The following MYO1D variants were observed in gnomAD, a reference collection of about 807,000 sequenced individuals.
MYO1D encodes unconventional myosin-Id.
MYO1D carries 83 observed loss-of-function variants against 122.0 expected under a neutral mutation model. That is an observed-to-expected ratio of 0.68 (90% confidence interval 0.57 to 0.82). The LOEUF is 0.82. Among genes scored for constraint, MYO1D ranks in the 40% least tolerant of loss-of-function variants. The pLI, the probability that MYO1D is intolerant of heterozygous loss-of-function variation, is 0.00. For missense variants in MYO1D, 1,157 were observed against 1,269.5 expected, an observed-to-expected ratio of 0.91 and a Z score of 1.35; for synonymous variants, 464 against 446.9, an observed-to-expected ratio of 1.04 and a Z score of -0.48.
In MYO1D at chr17:32,780,723, T is replaced by A; in HGVS notation, c.157A>T (p.Lys53Ter). ...GEVVVSVNPY[K>*]LLNIYGRDTI... Reference sequence around the variant, plus strand: ...TCTCTTCCATAGATGTTCAACAACTTGTAAGGGTTCACAGAAACGACGACT... The same window carrying A: ...TCTCTTCCATAGATGTTCAACAACTAGTAAGGGTTCACAGAAACGACGACT... Residue 53 changes from lysine to a stop codon, truncating the protein, a stop_gained, in exon 2 of 22, where the codon AAG becomes TAG. Transcript: ENST00000318217. LOFTEE classifies it high-confidence loss of function. 6.2e-7 allele frequency: 1 copy of A among 1,614,150 alleles called. No individual in the cohort carries two copies. Among genetic ancestry groups the A allele is most frequent in the Non-Finnish European group, 8.5e-7 (1 of 1,180,016 alleles).
At chr17:32,629,538 G>A (rs920643235) in intron 20 of MYO1D, among the ~76,000 whole-genome samples, 6 of 152,108 alleles carry the variant, frequency 3.9e-5, no homozygotes, top group African/African-American at 1.4e-4. Flanking sequence ...TTTAAGACCA[G>A]CCTGGCCAAG....
chr17:32,710,589 T>C (rs1188326689), intron 16 of MYO1D, among the ~76,000 whole-genome samples: 1 of 152,150 alleles, frequency 6.6e-6, no homozygotes, highest in Admixed American at 6.5e-5. Context: ...ATTGAAGACT[T>C]TGATTATGTC....
intron 20 of MYO1D, among the ~76,000 whole-genome samples, chr17:32,618,954 T>A (rs1372604472): frequency 6.6e-6 from 1 of 152,138 alleles, no homozygotes; most frequent in East Asian, 1.9e-4. Context: ...TTAATTTAAA[T>A]GCTTGGTGAA....
chr17:32,774,130 C>G (rs1279948386), intron 4 of MYO1D, among the ~76,000 whole-genome samples: 1 of 152,188 alleles, frequency 6.6e-6, no homozygotes, highest in African/African-American at 2.4e-5. Flanking sequence ...CGTTCCATGA[C>G]TAGCCTTCCC....
At chr17:32,809,917 G>C (rs1279831718) in intron 1 of MYO1D, among the ~76,000 whole-genome samples, 1 of 152,184 alleles carries the variant, frequency 6.6e-6, no homozygotes, top group Non-Finnish European at 1.5e-5. Flanking sequence ...AATGATCAAT[G>C]ATCTGCTTCT....
At chr17:32,769,820 A>G (rs1426276180) in intron 6 of MYO1D, among the ~76,000 whole-genome samples, 1 of 151,950 alleles carries the variant, frequency 6.6e-6, no homozygotes, top group African/African-American at 2.4e-5. Flanking sequence ...GAAAGCAGAC[A>G]TGGAAATTTT....
chr17:32,818,022 A>C (rs113340549), intron 1 of MYO1D, among the ~76,000 whole-genome samples: 5,250 of 145,460 alleles, frequency 0.036, 307 homozygotes, highest in African/African-American at 0.12. Context: ...GCTACTTGGG[A>C]GGCTGAGGCA....
At chr17:32,758,802 A>C (rs1196326156) in intron 10 of MYO1D, among the ~76,000 whole-genome samples, 1 of 152,198 alleles carries the variant, frequency 6.6e-6, no homozygotes, top group East Asian at 1.9e-4. Flanking sequence ...GCCATGTAGT[A>C]AGTAACTGTT....
chr17:32,747,100 T>C (rs2089845750), intron 12 of MYO1D, among the ~76,000 whole-genome samples: 1 of 152,032 alleles, frequency 6.6e-6, no homozygotes, highest in South Asian at 2.1e-4. Context: ...AATGGTGCCA[T>C]TCCATCACTA....
At chr17:32,552,131 A>G (rs564661481) in intron 21 of MYO1D, among the ~76,000 whole-genome samples, 2 of 152,316 alleles carry the variant, frequency 1.3e-5, no homozygotes, top group Non-Finnish European at 2.9e-5. Flanking sequence ...GCAGAGGGGC[A>G]TTGGCGTAAT....
chr17:32,665,110 T>C (rs572975758), intron 16 of MYO1D, among the ~76,000 whole-genome samples: 3 of 152,208 alleles, frequency 2.0e-5, no homozygotes, highest in Admixed American at 2.0e-4. Context: ...GATGGCTGAC[T>C]TCCTCATTCT....
At chr17:32,678,787 C>T (rs905726334) in intron 16 of MYO1D, among the ~76,000 whole-genome samples, 1 of 150,204 alleles carries the variant, frequency 6.7e-6, no homozygotes, top group African/African-American at 2.5e-5. Flanking sequence ...AATGGGATGG[C>T]TGGGTCAAAT....
chr17:32,641,539 C>T (rs1164140886), intron 19 of MYO1D, among the ~76,000 whole-genome samples: 2 of 152,224 alleles, frequency 1.3e-5, no homozygotes, highest in Non-Finnish European at 2.9e-5. Context: ...AACTAGTTTA[C>T]AGTCCAACCA....
At chr17:32,755,974 C>T (rs950269159) in intron 10 of MYO1D, among the ~76,000 whole-genome samples, 1 of 152,202 alleles carries the variant, frequency 6.6e-6, no homozygotes, top group African/African-American at 2.4e-5. Flanking sequence ...CCACACCCAA[C>T]CCTACTCCTT....
chr17:32,596,031 T>C (rs890917889), intron 21 of MYO1D, among the ~76,000 whole-genome samples: 4 of 152,166 alleles, frequency 2.6e-5, no homozygotes, highest in Non-Finnish European at 5.9e-5. Context: ...CTTCCTGTGT[T>C]TTCACGTGTA....
At chr17:32,722,649 T>A (rs896882414) in intron 14 of MYO1D, among the ~76,000 whole-genome samples, 1 of 152,232 alleles carries the variant, frequency 6.6e-6, no homozygotes. Context: ...CTTATCTCCA[T>A]CTGCAACCTT....
intron 3 of MYO1D, 81 bp downstream of exon 3, chr17:32,778,399 A>G: frequency 7.3e-7 from 1 of 1,375,794 alleles, no homozygotes; most frequent in Non-Finnish European, 1.0e-6. Flanking sequence ...AAAATGCTCA[A>G]CCCCTAGAGT....
At chr17:32,545,783 TTG>T (rs142483502) in intron 21 of MYO1D, among the ~76,000 whole-genome samples, 6,574 of 151,476 alleles carry the variant, frequency 0.043, 301 homozygotes, top group African/African-American at 0.12. Context: ...TTTTTTTTTT[TTG>T]GGGTTCCACA....
chr17:32,762,499 C>T (rs1168790771), intron 8 of MYO1D, among the ~76,000 whole-genome samples: 1 of 152,160 alleles, frequency 6.6e-6, no homozygotes, highest in Non-Finnish European at 1.5e-5. Context: ...AACAAAATAT[C>T]CCCTTAATTG....
Sources: allele counts gnomAD v4.1 joint callset (sites outside exome capture counted in the v4.1 genomes callset), GRCh38; gene constraint gnomAD v4.1.1; transcripts MANE v1.5; gene names NCBI Gene and HGNC (gene_info 2026-07-23, HGNC 2026-07-21).